The following FUS variants were observed in gnomAD, a reference collection of about 807,000 sequenced individuals.
FUS encodes the protein RNA-binding protein FUS.
A neutral mutation model predicts 82.7 loss-of-function variants in FUS; 5 were observed. The ratio of observed to expected loss-of-function variants is 0.06; its 90% CI spans 0.03 to 0.13. The LOEUF is 0.13. FUS is among the 10% of genes least tolerant of loss of function. FUS has a pLI of 1.00. For missense variants in FUS, 512 were observed against 707.8 expected, an observed-to-expected ratio of 0.72 and a Z score of 3.14; for synonymous variants, 281 against 247.4, an observed-to-expected ratio of 1.14 and a Z score of -1.27.
At position 31,185,136 on chromosome 16, in the gene FUS, C is replaced by G; in HGVS notation, c.721C>G (p.Pro241Ala). The part of the protein sequence containing the change: ...GYNRSSGGYE[P>A]RGRGGGRGGR... Reference sequence around the variant, plus strand: ...CAACCGCAGCAGTGGTGGCTATGAACCCAGAGGTCGTGGAGGTGGCCGTGG... The same window carrying G: ...CAACCGCAGCAGTGGTGGCTATGAAGCCAGAGGTCGTGGAGGTGGCCGTGG... The change falls in exon 6 of 15, where the codon CCC (proline) becomes GCC (alanine). Residue 241 changes from proline (P) to alanine (A), a missense_variant. This residue lies in a region of FUS where 51 missense variants were observed against 72.2 expected (regional missense o/e 0.71). Transcript: ENST00000254108. The G allele has an allele frequency of 6.2e-7, 1 of 1,610,590 alleles. No homozygotes were observed. Among genetic ancestry groups the G allele is most frequent in the Non-Finnish European group, 8.5e-7 (1 of 1,178,538 alleles).
intron 12 of FUS, 59 bp downstream of exon 12, chr16:31,190,457 G>A (rs1318464070): frequency 1.2e-6 from 2 of 1,610,284 alleles, no homozygotes; most frequent in African/African-American, 1.3e-5. Flanking sequence ...TGATATATTG[G>A]TACTGAGGTA....
downstream of FUS, chr16:31,194,268 C>T (rs1217388488): frequency 1.1e-5 from 6 of 529,554 alleles, no homozygotes; most frequent in Admixed American, 4.5e-5. Context: ...TTAGGCATGT[C>T]TTCCTTCCAG....
At chr16:31,180,135 G>C (rs769328687), upstream of FUS, 5 of 1,567,270 alleles carry the variant, frequency 3.2e-6, no homozygotes, top group South Asian at 4.6e-5. Flanking sequence ...CAGGAGGCGG[G>C]GCTGCTCAGT....
In FUS at chr16:31,185,017, G is replaced by T. The variant is rs144950807; in HGVS notation, c.602G>T (p.Gly201Val). 2 of 1,613,392 alleles carry T rather than the reference G, an allele frequency of 1.2e-6. No individual in the cohort carries two copies. The highest frequency in any genetic ancestry group is 2.7e-5 in the African/African-American group (2 of 74,782). ...GGGYGNQDQS[G>V]GGGSGGYGQQ... The stretch of plus-strand genomic sequence containing the variant: ...GGTTATGGCAATCAAGACCAGAGTG[G>T]TGGAGGTGGCAGCGGTGGCTATGGA... Residue 201 changes from glycine (G) to valine (V), a missense_variant, in exon 6 of 15, where the codon GGT becomes GTT. Physicochemically the swap from Gly to Val is moderately radical, Grantham distance 109. This residue lies in a region of FUS where 276 missense variants were observed against 303.3 expected (regional missense o/e 0.91). Coordinates refer to ENST00000254108, the MANE Select transcript of FUS (RefSeq NM_004960.4).
In FUS at chr16:31,182,636, C is replaced by T. The variant is rs1268890915; in HGVS notation, c.162C>T (p.Ser54=). 1 of 1,614,188 alleles carries T rather than the reference C, an allele frequency of 6.2e-7. No homozygotes were observed. Among genetic ancestry groups the T allele is most frequent in the South Asian group, 1.1e-5 (1 of 91,082 alleles). The change falls in exon 3 of 15, where the codon AGC becomes AGT. Residue 54 remains serine, a synonymous_variant. Coordinates refer to ENST00000254108, the MANE Select transcript of FUS (RefSeq NM_004960.4). The part of the protein sequence containing the change: ...STDTSGYGQS[S]YSSYGQSQNT... Reference sequence around the variant, plus strand: ...ACACTTCAGGCTATGGCCAGAGCAGCTATTCTTCTTATGGCCAGAGCCAGA... The same window carrying T: ...ACACTTCAGGCTATGGCCAGAGCAGTTATTCTTCTTATGGCCAGAGCCAGA...
At position 31,190,817 on chromosome 16, in the gene FUS, A is replaced by G. The variant is rs780945558; in HGVS notation, c.1368A>G (p.Gly456=). The G allele has an allele frequency of 6.2e-7, 1 of 1,614,158 alleles. No homozygotes were observed. The highest frequency in any genetic ancestry group is 8.5e-7 in the Non-Finnish European group (1 of 1,180,002). The change falls in exon 13 of 15, where the codon GGA becomes GGG. Residue 456 remains glycine, a synonymous_variant. Transcript: ENST00000254108. ...AGGCCCCTAAACCAGATGGCCCAGG[A>G]GGGGGACCAGGTGGCTCTCACATGG... is the stretch of plus-strand genomic sequence containing the variant. ...QCKAPKPDGP[G]GGPGGSHMGG...
At chr16:31,180,136 G>T, upstream of FUS, 2 of 1,570,036 alleles carry the variant, frequency 1.3e-6, no homozygotes, top group Non-Finnish European at 1.7e-6. Flanking sequence ...AGGAGGCGGG[G>T]CTGCTCAGTC....
downstream of FUS, chr16:31,193,869 T>TGAACTGGCCTC (rs1398878475): frequency 5.7e-6 from 3 of 527,538 alleles, no homozygotes; most frequent in East Asian, 1.2e-4. Flanking sequence ...AGGCTGGTCT[T>TGAACTGGCCTC]GAACTGGCCT....
intron 1 of FUS, 105 bp from the exon 2 acceptor site, chr16:31,182,293 C>T (rs1712264359): frequency 1.2e-5 from 16 of 1,364,034 alleles, no homozygotes; most frequent in East Asian, 2.3e-5. Flanking sequence ...GCCTGGCCTA[C>T]GTGGTCCTTT....
intron 3 of FUS, chr16:31,183,167 G>A (rs766257046): frequency 1.0e-5 from 2 of 192,358 alleles, no homozygotes; most frequent in Non-Finnish European, 2.2e-5. Flanking sequence ...AGGCTGAGGC[G>A]GGAGGATCCC....
At chr16:31,189,075 T>C in intron 8 of FUS, 48 bp from the exon 9 acceptor site, 1 of 1,459,224 alleles carries the variant, frequency 6.9e-7, no homozygotes, top group Non-Finnish European at 9.6e-7. Flanking sequence ...TTTCCTGTGT[T>C]TTTTATTTTA....
At chr16:31,190,471 G>A (rs2079338004) in intron 12 of FUS, 73 bp downstream of exon 12, 13 of 1,604,468 alleles carry the variant, frequency 8.1e-6, no homozygotes, top group Middle Eastern at 1.7e-4. Flanking sequence ...TGAGGTATGT[G>A]CGTGTTTTCC....
chr16:31,189,144 A>C lies in FUS; in HGVS notation c.854A>C (p.Asn285Thr), dbSNP rs2079314990. 2 of 1,613,878 alleles carry C rather than the reference A, an allele frequency of 1.2e-6. No homozygotes were observed. Among genetic ancestry groups the C allele is most frequent in the Non-Finnish European group, 1.7e-6 (2 of 1,179,786 alleles). ...GCAGAACAGGATAATTCAGACAACA[A>C]CACCATCTTTGTGCAAGGCCTGGGT... ...HDSEQDNSDNNTIFVQGLGEN... is the reference protein window; with the variant it reads ...HDSEQDNSDNTTIFVQGLGEN... The change falls in exon 9 of 15, where the codon AAC becomes ACC. Residue 285 changes from asparagine to threonine, a missense_variant. This residue lies in a region of FUS where 51 missense variants were observed against 72.2 expected (regional missense o/e 0.71). Transcript: ENST00000254108.
chr16:31,182,568 C>T lies in FUS; in HGVS notation c.94C>T (p.Pro32Ser). 1 of 1,614,186 alleles carries T rather than the reference C, an allele frequency of 6.2e-7. No homozygotes were observed. Among genetic ancestry groups the T allele is most frequent in the East Asian group, 2.2e-5 (1 of 44,886 alleles). ...GQGYSQQSSQPYGQQSYSGYS... is the reference protein window; with the variant it reads ...GQGYSQQSSQSYGQQSYSGYS... The stretch of plus-strand genomic sequence containing the variant: ...GGGCTATTCCCAGCAGAGCAGTCAG[C>T]CCTACGGACAGCAGAGTTACAGTGG... Residue 32 changes from proline (P) to serine (S), a missense_variant, in exon 3 of 15, where the codon CCC becomes TCC. This residue lies in a region of FUS where 276 missense variants were observed against 303.3 expected (regional missense o/e 0.91). Coordinates refer to ENST00000254108, the MANE Select transcript of FUS (RefSeq NM_004960.4).
At chr16:31,182,941 C>A (rs2079203181) in intron 3 of FUS, 6 of 433,078 alleles carry the variant, frequency 1.4e-5, no homozygotes, top group South Asian at 1.1e-4. Flanking sequence ...GTCTGGAACT[C>A]CTGACCTCCT....
Position 31,191,026 on chromosome 16 carries a change from G to T in FUS, c.1457G>T (p.Gly486Val). ...RGGYDRGGYR[G>V]RGGDRGGFRG... Reference sequence around the variant, plus strand: ...GGCTATGATCGAGGCGGCTACCGGGGCCGCGGCGGGGACCGTGGAGGCTTC... The same window carrying T: ...GGCTATGATCGAGGCGGCTACCGGGTCCGCGGCGGGGACCGTGGAGGCTTC... Residue 486 changes from glycine to valine, a missense_variant, in exon 14 of 15, where the codon GGC (glycine) becomes GTC (valine). Gly to Val is a moderately radical substitution (Grantham distance 109). Transcript: ENST00000254108. 6.2e-7 allele frequency: 1 copy of T among 1,613,924 alleles called. No individual in the cohort carries two copies. Among genetic ancestry groups the T allele is most frequent in the Non-Finnish European group, 8.5e-7 (1 of 1,179,990 alleles).
At chr16:31,188,523 A>G (rs1596906038) in intron 8 of FUS, 166 bp downstream of exon 8, 1 of 772,650 alleles carries the variant, frequency 1.3e-6, no homozygotes, top group Non-Finnish European at 2.2e-6. Context: ...GTTACGAAGT[A>G]TTTCTCAGAA....
intron 7 of FUS, 70 bp downstream of exon 7, chr16:31,186,906 T>C (rs2079278778): frequency 1.6e-5 from 23 of 1,414,428 alleles, no homozygotes; most frequent in Non-Finnish European, 2.2e-5. Flanking sequence ...TTTGCAGATG[T>C]CTTAGCGTGT....
At chr16:31,183,789 C>A in intron 3 of FUS, 69 bp from the exon 4 acceptor site, 1 of 1,593,300 alleles carries the variant, frequency 6.3e-7, no homozygotes, top group East Asian at 2.2e-5. Context: ...ATTATGTTTT[C>A]TTTAACCCAT....
Sources: allele counts gnomAD v4.1 joint callset, GRCh38; gene constraint gnomAD v4.1.1; regional missense constraint gnomAD v4.1.1; transcripts MANE v1.5; gene names NCBI Gene and HGNC (gene_info 2026-07-23, HGNC 2026-07-21).